Variants in MSRA observed in about 807,000 individuals in gnomAD.
MSRA encodes mitochondrial peptide methionine sulfoxide reductase.
A neutral mutation model predicts 31.3 loss-of-function variants in MSRA; 54 were observed. That is an observed-to-expected ratio of 1.73 (90% confidence interval 1.39 to 2.17). The LOEUF (loss-of-function observed/expected upper bound fraction) is 2.17, where lower values mean the gene tolerates loss of function less well. MSRA is among the 30% of genes most tolerant of loss of function. The probability of loss-of-function intolerance (pLI) is 0.00; values close to 1 mark genes in which losing one functional copy is unlikely to be tolerated. For synonymous variants in MSRA, 169 were observed against 116.5 expected (o/e 1.45, Z -2.90); for missense variants, 507 against 300.9 (o/e 1.69, Z -5.07).
At chr8:10,282,363 C>A (rs2975640) in intron 3 of MSRA, among the ~76,000 whole-genome samples, 1 of 152,012 alleles carries the variant, frequency 6.6e-6, no homozygotes, top group African/African-American at 2.4e-5. Context: ...CTATTTTGAT[C>A]GCCCAGAAAT....
Position 10,279,819 on chromosome 8 carries a change from A to G in MSRA, c.332-21715A>G, listed in dbSNP as rs555689611. 6.6e-5 allele frequency among the ~76,000 whole-genome samples: 10 copies of G among 152,314 alleles called. No homozygotes were observed. The South Asian group carries it at 1.7e-3, about 25-fold the overall frequency. ...TGCCATCACTGACTTCATATAGGCC[A>G]TGAATATGTATATATGTATGATGTA... On this transcript the variant is annotated intron_variant, in intron 3 of 5. Transcript: ENST00000317173.
intron 1 of MSRA, among the ~76,000 whole-genome samples, chr8:10,093,491 A>G (rs1275926140): frequency 1.3e-5 from 2 of 152,118 alleles, no homozygotes; most frequent in Admixed American, 6.5e-5. Context: ...TTATTGTCAC[A>G]TGTTACCTCT....
intron 3 of MSRA, among the ~76,000 whole-genome samples, chr8:10,283,156 A>ACT (rs1306331077): frequency 1.2e-5 from 1 of 85,040 alleles, no homozygotes; most frequent in Non-Finnish European, 2.6e-5. Context: ...ACACACACAC[A>ACT]CACACTCTCA....
Position 10,327,889 on chromosome 8 carries a change from C to T in MSRA, c.543+7900C>T, listed in dbSNP as rs552534649. Among the ~76,000 whole-genome samples, 11 of 152,092 alleles carry T rather than the reference C, an allele frequency of 7.2e-5. No individual in the cohort carries two copies. In the East Asian group the frequency reaches 1.4e-3, roughly 19 times the overall value. On this transcript the variant is annotated intron_variant, in intron 5 of 5. Transcript: ENST00000317173. ...CGGAGCTTGCAGTGAGCTGAGATTGCGCCACTGCACTCCAGCCTGGGCTCC... is the reference window on the plus strand; with the variant it reads ...CGGAGCTTGCAGTGAGCTGAGATTGTGCCACTGCACTCCAGCCTGGGCTCC...
At position 10,177,822 on chromosome 8, in the gene MSRA, A is replaced by C. The variant is rs1411933352; in HGVS notation, c.143-30011A>C. Among the ~76,000 whole-genome samples the C allele has an allele frequency of 2.0e-5, 3 of 152,216 alleles. No individual in the cohort carries two copies. The East Asian group carries it at 5.8e-4, about 29-fold the overall frequency. Reference sequence around the variant, plus strand: ...GCTGTGGATGCTTAGTTGAAAGTTCAAGTTACCTGCAAAACATTTGTTTCA... The same window carrying C: ...GCTGTGGATGCTTAGTTGAAAGTTCCAGTTACCTGCAAAACATTTGTTTCA... On this transcript the variant is annotated intron_variant, in intron 1 of 5. Coordinates refer to ENST00000317173, the MANE Select transcript of MSRA (RefSeq NM_012331.5).
chr8:10,421,002 A>C lies in MSRA; in HGVS notation c.544-7146A>C, dbSNP rs149190190. Reference sequence around the variant, plus strand: ...ACAGAGTGAGACCCTGTCTCCAAAAACAAACCACCACCAAAAACCAAAGAG... The same window carrying C: ...ACAGAGTGAGACCCTGTCTCCAAAACCAAACCACCACCAAAAACCAAAGAG... On this transcript the variant is annotated intron_variant, in intron 5 of 5. Coordinates refer to ENST00000317173, the MANE Select transcript of MSRA (RefSeq NM_012331.5). Among the ~76,000 whole-genome samples the C allele has an allele frequency of 3.3e-5, 5 of 152,178 alleles. No homozygotes were observed. In the East Asian group the frequency reaches 9.7e-4, roughly 29 times the overall value.
chr8:10,118,498 T>C (rs1428889333), intron 1 of MSRA, among the ~76,000 whole-genome samples: 1 of 152,076 alleles, frequency 6.6e-6, no homozygotes, highest in Admixed American at 6.5e-5. Flanking sequence ...TTAAAGACTG[T>C]CAGGGGCTCT....
At chr8:10,320,564 C>G (rs1801992991) in intron 5 of MSRA, among the ~76,000 whole-genome samples, 1 of 152,218 alleles carries the variant, frequency 6.6e-6, no homozygotes, top group South Asian at 2.1e-4. Flanking sequence ...TTTTCCTTCT[C>G]TCTTTATTTC....
chr8:10,252,198 A>T (rs1797952853), intron 3 of MSRA, among the ~76,000 whole-genome samples: 1 of 152,160 alleles, frequency 6.6e-6, no homozygotes, highest in Non-Finnish European at 1.5e-5. Flanking sequence ...GATTTGAGAG[A>T]TTTTATTAGA....
At chr8:10,423,020 A>G (rs897775242) in intron 5 of MSRA, among the ~76,000 whole-genome samples, 3 of 152,206 alleles carry the variant, frequency 2.0e-5, no homozygotes, top group Non-Finnish European at 4.4e-5. Context: ...GTTTCTGGTG[A>G]CATCCCACTG....
chr8:10,391,085 A>G (rs1047143214), intron 5 of MSRA, among the ~76,000 whole-genome samples: 1 of 152,204 alleles, frequency 6.6e-6, no homozygotes, highest in Admixed American at 6.5e-5. Flanking sequence ...AAGTAAAAAG[A>G]GAGAGAAATA....
At chr8:10,179,642 G>T (rs1038329492) in intron 1 of MSRA, among the ~76,000 whole-genome samples, 5 of 152,092 alleles carry the variant, frequency 3.3e-5, no homozygotes, top group African/African-American at 4.8e-5. Context: ...CAGCTGATGG[G>T]GCATATTAAT....
intron 2 of MSRA, among the ~76,000 whole-genome samples, chr8:10,222,108 G>T (rs1810566645): frequency 1.3e-5 from 2 of 152,040 alleles, no homozygotes; most frequent in Admixed American, 1.3e-4. Context: ...CACCGTGAGT[G>T]CTCTGTTGAA....
intron 5 of MSRA, among the ~76,000 whole-genome samples, chr8:10,405,886 A>G (rs549937355): frequency 6.6e-6 from 1 of 152,270 alleles, no homozygotes; most frequent in Non-Finnish European, 1.5e-5. Flanking sequence ...ATATTCACAC[A>G]TGTTCACATA....
At chr8:10,355,777 G>GGGGTCTAT (rs1804472935) in intron 5 of MSRA, among the ~76,000 whole-genome samples, 2 of 152,142 alleles carry the variant, frequency 1.3e-5, no homozygotes, top group African/African-American at 4.8e-5. Context: ...CAGGGGTCTA[G>GGGGTCTAT]CCAGGAAGAT....
In MSRA at chr8:10,308,943, G is replaced by A. The variant is rs117463084; in HGVS notation, c.436+7305G>A. On this transcript the variant is annotated intron_variant, in intron 4 of 5. Transcript: ENST00000317173. ...TTATAAAACATCTGCCACTAAGACT[G>A]GCCCCTAAGGGGTGCTTAGTAAATG... Among the ~76,000 whole-genome samples, 831 of 152,338 alleles carry A rather than the reference G, an allele frequency of 5.5e-3. 1 individual carries two copies. The highest frequency in any genetic ancestry group is 7.9e-3 in the South Asian group (38 of 4,834).
chr8:10,169,916 TC>T (rs1243075702), intron 1 of MSRA, among the ~76,000 whole-genome samples: 11 of 128,554 alleles, frequency 8.6e-5, no homozygotes, highest in Non-Finnish European at 1.7e-4. Context: ...TTTCTTTCTT[TC>T]TTTTTTTTTT....
chr8:10,207,748 A>C (rs1585170536), intron 1 of MSRA, 85 bp from the exon 2 acceptor site: 1 of 1,232,540 alleles, frequency 8.1e-7, no homozygotes, highest in East Asian at 2.5e-5. Flanking sequence ...AAGGAGAAAT[A>C]GGCTCATTGA....
At chr8:10,140,488 C>A (rs1802609110) in intron 1 of MSRA, among the ~76,000 whole-genome samples, 1 of 152,066 alleles carries the variant, frequency 6.6e-6, no homozygotes, top group African/African-American at 2.4e-5. Flanking sequence ...TTAGCTTTAC[C>A]TTGATCTACG....
Sources: allele counts gnomAD v4.1 joint callset (sites outside exome capture counted in the v4.1 genomes callset), GRCh38; gene constraint gnomAD v4.1.1; transcripts MANE v1.5; gene names NCBI Gene and HGNC (gene_info 2026-07-23, HGNC 2026-07-21).